MMP16: variants seen among roughly 807,000 people sequenced by gnomAD.
MMP16 encodes matrix metallopeptidase 16, also known as matrix metalloproteinase-16.
A neutral mutation model predicts 67.8 loss-of-function variants in MMP16; 12 were observed. The ratio of observed to expected loss-of-function variants is 0.18; its 90% CI spans 0.11 to 0.29. The LOEUF (loss-of-function observed/expected upper bound fraction) is 0.29. MMP16 is among the 10% of genes least tolerant of loss of function. The pLI is 1.00. For missense variants in MMP16, 475 were observed against 765.7 expected, an observed-to-expected ratio of 0.62 and a Z score of 4.48; for synonymous variants, 249 against 255.9, an observed-to-expected ratio of 0.97 and a Z score of 0.26.
At chr8:88,088,069 G>GATATAATAT (rs1808870299) in intron 6 of MMP16, among the ~76,000 whole-genome samples, 22 of 99,272 alleles carry the variant, frequency 2.2e-4, no homozygotes, top group Non-Finnish European at 3.8e-4. Context: ...ATATATAATA[G>GATATAATAT]ATATCTATAT....
intron 6 of MMP16, among the ~76,000 whole-genome samples, chr8:88,085,281 T>C (rs950920460): frequency 2.0e-5 from 3 of 152,084 alleles, no homozygotes; most frequent in Non-Finnish European, 4.4e-5. Context: ...TAGATGTGTC[T>C]GGCAAAGATA....
chr8:88,297,917 G>C (rs1228074649), intron 1 of MMP16, among the ~76,000 whole-genome samples: 1 of 152,140 alleles, frequency 6.6e-6, no homozygotes, highest in Non-Finnish European at 1.5e-5. Context: ...GAAGGCAAGG[G>C]AGGCAAGTCT....
intron 6 of MMP16, among the ~76,000 whole-genome samples, chr8:88,116,300 G>A (rs899877139): frequency 2.0e-5 from 3 of 151,932 alleles, no homozygotes; most frequent in Non-Finnish European, 2.9e-5. Context: ...CTGCTGACAC[G>A]AATGCATTCC....
At chr8:88,051,978 A>C (rs1158759986) in intron 8 of MMP16, among the ~76,000 whole-genome samples, 2 of 152,328 alleles carry the variant, frequency 1.3e-5, no homozygotes, top group Admixed American at 6.5e-5. Flanking sequence ...AAATAGTACA[A>C]CACTAGATAT....
At chr8:88,279,389 A>G (rs1485281216) in intron 1 of MMP16, among the ~76,000 whole-genome samples, 1 of 152,206 alleles carries the variant, frequency 6.6e-6, no homozygotes, top group Non-Finnish European at 1.5e-5. Context: ...AGAATGTTTG[A>G]AATTACCTAC....
chr8:88,173,971 T>C (rs1377453924), intron 3 of MMP16, among the ~76,000 whole-genome samples: 9 of 152,194 alleles, frequency 5.9e-5, no homozygotes, highest in African/African-American at 1.9e-4. Context: ...GAGTTCTCTT[T>C]GAACTCAACA....
At chr8:88,174,002 G>A (rs544774454) in intron 3 of MMP16, among the ~76,000 whole-genome samples, 11 of 152,256 alleles carry the variant, frequency 7.2e-5, no homozygotes, top group African/African-American at 2.6e-4. Context: ...GTTCAATGAA[G>A]TCTTTGGGTT....
At chr8:88,153,396 C>T (rs1808445211) in intron 4 of MMP16, among the ~76,000 whole-genome samples, 1 of 152,142 alleles carries the variant, frequency 6.6e-6, no homozygotes, top group South Asian at 2.1e-4. Context: ...AAAAAAGAGC[C>T]CGCATCACCA....
intron 3 of MMP16, among the ~76,000 whole-genome samples, chr8:88,169,151 A>G (rs1483923570): frequency 6.6e-6 from 1 of 152,214 alleles, no homozygotes; most frequent in Non-Finnish European, 1.5e-5. Flanking sequence ...AATGCATGTC[A>G]TTGTATAAAT....
intron 2 of MMP16, among the ~76,000 whole-genome samples, chr8:88,192,275 C>T (rs1441539933): frequency 1.3e-5 from 2 of 152,134 alleles, no homozygotes; most frequent in Non-Finnish European, 2.9e-5. Flanking sequence ...TCCAGAGTTT[C>T]TTTTATCTAC....
intron 1 of MMP16, among the ~76,000 whole-genome samples, chr8:88,249,763 A>T (rs1224677557): frequency 6.6e-6 from 1 of 152,102 alleles, no homozygotes; most frequent in Non-Finnish European, 1.5e-5. Context: ...CACAAAATCA[A>T]GACTGCAAGG....
At chr8:88,273,852 G>A (rs978838192) in intron 1 of MMP16, among the ~76,000 whole-genome samples, 4 of 151,956 alleles carry the variant, frequency 2.6e-5, no homozygotes, top group African/African-American at 9.7e-5. Context: ...GATGTTACAA[G>A]AATAGAAAAA....
chr8:88,186,602 CAAAAAAAAAAAA>C lies in MMP16; in HGVS notation c.282-16_282-5del. ...GCATCGGGGCTTCTTCATCCAGCTGCAAAAAAAAAAAAAAAAAAAAAAAAGCAGTATTTTCCA... is the reference window on the plus strand; with the variant it reads ...GCATCGGGGCTTCTTCATCCAGCTGCAAAAAAAAAAAAGCAGTATTTTCCA... On this transcript the variant is annotated splice_region_variant and splice_polypyrimidine_tract_variant and intron_variant, in intron 2 of 9. Coordinates refer to ENST00000286614, the MANE Select transcript of MMP16 (RefSeq NM_005941.5). 6.9e-6 allele frequency: 8 copies of C among 1,164,266 alleles called. No individual in the cohort carries two copies. Among genetic ancestry groups the C allele is most frequent in the South Asian group, 4.8e-5 (2 of 41,272 alleles). 72.1% of individuals were successfully genotyped at this position (1,164,266 alleles called of 1,614,324 possible). A position where few individuals can be genotyped will look rare whatever the true frequency, so the allele number is the denominator to read the frequency against.
intron 1 of MMP16, among the ~76,000 whole-genome samples, chr8:88,232,167 T>C (rs570347850): frequency 6.6e-6 from 1 of 152,282 alleles, no homozygotes; most frequent in Non-Finnish European, 1.5e-5. Context: ...AATTTAAACC[T>C]TGATAGATAT....
At chr8:88,105,392 T>C (rs1290105672) in intron 6 of MMP16, among the ~76,000 whole-genome samples, 1 of 151,552 alleles carries the variant, frequency 6.6e-6, no homozygotes, top group Non-Finnish European at 1.5e-5. Flanking sequence ...TTGTAACGCA[T>C]AGTATTGCTG....
chr8:88,230,222 G>A (rs373767512), intron 1 of MMP16, among the ~76,000 whole-genome samples: 2 of 152,156 alleles, frequency 1.3e-5, no homozygotes, highest in East Asian at 3.9e-4. Flanking sequence ...TCTCATTCAC[G>A]AGATGCAGAT....
At chr8:88,141,016 AAATGT>A (rs1271762065) in intron 4 of MMP16, among the ~76,000 whole-genome samples, 3 of 152,180 alleles carry the variant, frequency 2.0e-5, no homozygotes, top group Admixed American at 1.3e-4. Flanking sequence ...GGAACAGAAT[AAATGT>A]AATGCAACAC....
At chr8:88,147,232 TCTA>T (rs1198877497) in intron 4 of MMP16, among the ~76,000 whole-genome samples, 8 of 152,064 alleles carry the variant, frequency 5.3e-5, no homozygotes, top group African/African-American at 1.9e-4. Flanking sequence ...TGTTACCTCC[TCTA>T]CTATCGGTTA....
chr8:88,156,438 C>T (rs540077126), intron 4 of MMP16, among the ~76,000 whole-genome samples: 1 of 152,180 alleles, frequency 6.6e-6, no homozygotes, highest in Admixed American at 6.6e-5. Context: ...CCATGATATG[C>T]AGTCAACAGA....
Sources: allele counts gnomAD v4.1 joint callset (sites outside exome capture counted in the v4.1 genomes callset), GRCh38; gene constraint gnomAD v4.1.1; transcripts MANE v1.5; gene names NCBI Gene and HGNC (gene_info 2026-07-23, HGNC 2026-07-21).